Variants in AUTS2 observed in about 807,000 individuals in gnomAD.
AUTS2 encodes autism susceptibility gene 2 protein.
In AUTS2, 17 loss-of-function variants were observed where a neutral mutation model predicts 112.4. The observed-to-expected ratio is 0.15, with a 90% confidence interval of 0.10 to 0.23. The LOEUF (loss-of-function observed/expected upper bound fraction) is 0.23. AUTS2 is among the 10% of genes least tolerant of loss of function. The pLI is 1.00. For synonymous variants in AUTS2, 751 were observed against 702.7 expected (o/e 1.07, Z -1.09); for missense variants, 1,510 against 1,701.6 (o/e 0.89, Z 1.98).
chr7:70,127,932 C>G (rs1323204475), intron 3 of AUTS2, among the ~76,000 whole-genome samples: 1 of 152,014 alleles, frequency 6.6e-6, no homozygotes, highest in Non-Finnish European at 1.5e-5. Context: ...TCCCTTCCTT[C>G]TCTCCCTCCC....
chr7:70,100,046 T>C (rs988474563), intron 2 of AUTS2, among the ~76,000 whole-genome samples: 1 of 152,198 alleles, frequency 6.6e-6, no homozygotes, highest in Non-Finnish European at 1.5e-5. Context: ...TATTCCAGTT[T>C]TAGGAGGTAT....
Position 70,694,518 on chromosome 7 carries a change from TCCTC to T in AUTS2, c.691-4041_691-4038del. 1 of 146,314 alleles carries T rather than the reference TCCTC, an allele frequency of 6.8e-6. No individual in the cohort carries two copies. Among genetic ancestry groups the T allele is most frequent in the Non-Finnish European group, 1.5e-5 (1 of 66,330 alleles). 9.1% of individuals were successfully genotyped at this position (146,314 alleles called of 1,614,324 possible). A position where few individuals can be genotyped will look rare whatever the true frequency, so the allele number is the denominator to read the frequency against. On this transcript the variant is annotated intron_variant, in intron 5 of 18. Transcript: ENST00000342771. This position sits in a 1 kb window ranked among gnomAD's most constrained non-coding sequence, Gnocchi z 4.1. ...CCCTCCTCCTCCTCCTCCCTCTCCC[TCCTC>T]CCTCCCTCCGCACATGGTCTCCTTT...
chr7:70,103,123 TA>T (rs1235091934), intron 2 of AUTS2, among the ~76,000 whole-genome samples: 1 of 152,192 alleles, frequency 6.6e-6, no homozygotes, highest in Non-Finnish European at 1.5e-5. Context: ...AGAAAAATAT[TA>T]GAGCTATCCA....
intron 5 of AUTS2, among the ~76,000 whole-genome samples, chr7:70,447,359 A>G (rs1470551983): frequency 3.9e-5 from 6 of 152,386 alleles, no homozygotes; most frequent in Middle Eastern, 6.8e-3. Context: ...TAGCAGAAAT[A>G]GCCTTCTGAC....
intron 4 of AUTS2, among the ~76,000 whole-genome samples, chr7:70,420,190 AT>A (rs528008198): frequency 2.4e-3 from 361 of 152,332 alleles, no homozygotes; most frequent in Middle Eastern, 0.01. Flanking sequence ...GACTCTTCAC[AT>A]TCTACTCAAG....
chr7:70,575,488 G>C (rs760425191), intron 5 of AUTS2, among the ~76,000 whole-genome samples: 1 of 152,110 alleles, frequency 6.6e-6, no homozygotes, highest in Non-Finnish European at 1.5e-5. Flanking sequence ...TGGTTAGCTA[G>C]CTAATGGGAA....
intron 2 of AUTS2, among the ~76,000 whole-genome samples, chr7:70,113,675 G>A (rs965216848): frequency 3.9e-5 from 6 of 152,238 alleles, no homozygotes; most frequent in Middle Eastern, 3.4e-3. Flanking sequence ...TGCATAATTC[G>A]CATCATTCCT....
chr7:69,903,340 A>AGT, intron 2 of AUTS2, among the ~76,000 whole-genome samples: 1 of 152,346 alleles, frequency 6.6e-6, no homozygotes, highest in East Asian at 1.9e-4. Context: ...GTTTAATTTC[A>AGT]GTATATCTGA....
At chr7:69,674,471 A>G (rs545968141) in intron 1 of AUTS2, among the ~76,000 whole-genome samples, 1 of 152,260 alleles carries the variant, frequency 6.6e-6, no homozygotes, top group East Asian at 1.9e-4. Flanking sequence ...AGTCTCCACC[A>G]TGTCAATGTA....
chr7:69,876,519 TATATATATATATATATATATATA>T (rs1562944193), intron 1 of AUTS2, among the ~76,000 whole-genome samples: 1 of 73,568 alleles, frequency 1.4e-5, no homozygotes, highest in Non-Finnish European at 2.3e-5. Context: ...TATATATATA[TATATATATATATATATATATATA>T]TATTTTCAGT....
chr7:70,559,338 T>C (rs1328621930), intron 5 of AUTS2, among the ~76,000 whole-genome samples: 1 of 140,290 alleles, frequency 7.1e-6, no homozygotes, highest in Non-Finnish European at 1.5e-5. Flanking sequence ...CCTTTCTTTC[T>C]TTTTTTTTTT....
At chr7:70,350,858 A>T (rs947446542) in intron 4 of AUTS2, among the ~76,000 whole-genome samples, 1 of 151,804 alleles carries the variant, frequency 6.6e-6, no homozygotes, top group Non-Finnish European at 1.5e-5. Flanking sequence ...TCTTTGACCT[A>T]TATCTGCCCA....
At chr7:70,405,347 T>G (rs1379851750) in intron 4 of AUTS2, among the ~76,000 whole-genome samples, 4 of 152,336 alleles carry the variant, frequency 2.6e-5, no homozygotes, top group African/African-American at 7.2e-5. Flanking sequence ...CTTCATAGAC[T>G]CAGAGAAAGT....
chr7:70,005,071 C>T lies in AUTS2; in HGVS notation c.522+105573C>T, dbSNP rs1477976131. Among the ~76,000 whole-genome samples, 8 of 152,120 alleles carry T rather than the reference C, an allele frequency of 5.3e-5. No homozygotes were observed. In the East Asian group the frequency reaches 1.4e-3, roughly 26 times the overall value. ...AACTCCTGACCTCGGGTGATTCACT[C>T]GCCTCAGCTTCCCAAAGTGCCAGGA... On this transcript the variant is annotated intron_variant, in intron 2 of 18. Coordinates refer to ENST00000342771, the MANE Select transcript of AUTS2 (RefSeq NM_015570.4).
At chr7:70,024,521 T>G (rs1800426089) in intron 2 of AUTS2, among the ~76,000 whole-genome samples, 1 of 152,238 alleles carries the variant, frequency 6.6e-6, no homozygotes, top group African/African-American at 2.4e-5. Flanking sequence ...TTTTCTCTTC[T>G]CTATTTTTCT....
At position 70,789,948 on chromosome 7, in the gene AUTS2, C is replaced by CGAAAGA. The variant is rs1554488624; in HGVS notation, c.2734_2739dup (p.Lys912_Glu913dup). On this transcript the variant is annotated inframe_insertion, in exon 19 of 19. Coordinates refer to ENST00000342771, the MANE Select transcript of AUTS2 (RefSeq NM_015570.4). ...GACCTGGCCGCCGACGAGCACAAGG[C>CGAAAGA]GAAAGAGGGCCACCTGCCCGAGAAG... The CGAAAGA allele has an allele frequency of 1.2e-6, 2 of 1,613,766 alleles. No individual in the cohort carries two copies. The highest frequency in any genetic ancestry group is 1.7e-5 in the Admixed American group (1 of 60,012).
At chr7:70,098,886 G>C (rs1050788118) in intron 2 of AUTS2, among the ~76,000 whole-genome samples, 1 of 151,898 alleles carries the variant, frequency 6.6e-6, no homozygotes, top group African/African-American at 2.4e-5. Flanking sequence ...ATTTTTAGTA[G>C]AGATGGGGTT....
chr7:70,554,994 G>A (rs1563037889), intron 5 of AUTS2, among the ~76,000 whole-genome samples: 1 of 152,194 alleles, frequency 6.6e-6, no homozygotes, highest in Admixed American at 6.5e-5. Context: ...AATATTCCCT[G>A]GGTTCCTGTT....
chr7:70,016,474 G>A (rs550412039), intron 2 of AUTS2, among the ~76,000 whole-genome samples: 1 of 152,120 alleles, frequency 6.6e-6, no homozygotes, highest in East Asian at 1.9e-4. Context: ...CACTTTGGCT[G>A]CCTCTGTGGT....
Sources: allele counts gnomAD v4.1 joint callset (sites outside exome capture counted in the v4.1 genomes callset), GRCh38; gene constraint gnomAD v4.1.1; non-coding constraint Gnocchi (gnomAD v3.1); transcripts MANE v1.5; gene names NCBI Gene and HGNC (gene_info 2026-07-23, HGNC 2026-07-21).